Variants in TDRD12 observed in about 807,000 individuals in gnomAD.
TDRD12 encodes tudor domain containing 12.
A neutral mutation model predicts 133.5 loss-of-function variants in TDRD12; 158 were observed. The observed-to-expected ratio is 1.18, with a 90% CI of 1.04 to 1.35. The LOEUF is 1.35. Among genes scored for constraint, TDRD12 ranks in the 40% most tolerant of loss-of-function variants. The probability of loss-of-function intolerance (pLI) is 0.00; values close to 1 mark genes in which losing one functional copy is unlikely to be tolerated. For synonymous variants in TDRD12, 460 were observed against 477.9 expected (o/e 0.96, Z 0.49); for missense variants, 1,443 against 1,321.3 (o/e 1.09, Z -1.43).
At chr19:32,755,472 A>G (rs1599862811) in intron 6 of TDRD12, among the ~76,000 whole-genome samples, 1 of 152,224 alleles carries the variant, frequency 6.6e-6, no homozygotes, top group African/African-American at 2.4e-5. Flanking sequence ...CTTATTTGCA[A>G]TCTTCAGACT....
exon 22 of TDRD12, chr19:32,807,577 C>T (rs529494653): frequency 9.7e-5 from 149 of 1,534,514 alleles, no homozygotes; most frequent in Non-Finnish European, 1.3e-4. Flanking sequence ...TGACCGACAC[C>T]GTATTAATCC....
chr19:32,801,404 GTATAGT>G (rs1971386345), intron 18 of TDRD12, among the ~76,000 whole-genome samples: 2 of 152,162 alleles, frequency 1.3e-5, no homozygotes, highest in African/African-American at 4.8e-5. Flanking sequence ...TCAGCTAGAA[GTATAGT>G]TATATGGTAC....
At chr19:32,820,782 G>T (rs771925950) in intron 27 of TDRD12, among the ~76,000 whole-genome samples, 4 of 152,126 alleles carry the variant, frequency 2.6e-5, no homozygotes, top group Non-Finnish European at 4.4e-5. Context: ...GAGTATGGAA[G>T]GCAAACCATC....
chr19:32,797,430 C>G (rs1218972634), intron 14 of TDRD12, among the ~76,000 whole-genome samples: 2 of 152,158 alleles, frequency 1.3e-5, no homozygotes, highest in Admixed American at 1.3e-4. Flanking sequence ...ACTGACTTCA[C>G]CTCTCTGTAC....
chr19:32,786,464 T>C (rs570701941), intron 11 of TDRD12, among the ~76,000 whole-genome samples: 1 of 152,332 alleles, frequency 6.6e-6, no homozygotes, highest in East Asian at 1.9e-4. Context: ...ATTTGAATGT[T>C]GGCCTGCCTT....
At chr19:32,738,340 C>CCT (rs1456203191) in intron 2 of TDRD12, among the ~76,000 whole-genome samples, 1 of 152,154 alleles carries the variant, frequency 6.6e-6, no homozygotes, top group Non-Finnish European at 1.5e-5. Flanking sequence ...AAAACAGTGA[C>CCT]CTAGTACTCA....
At chr19:32,790,993 C>G (rs1242334786) in exon 13 of TDRD12, 5 of 1,535,926 alleles carry the variant, frequency 3.3e-6, no homozygotes, top group East Asian at 2.4e-5. Flanking sequence ...TGCAGCCGCC[C>G]GTGGTAGTGC....
At chr19:32,816,134 G>T (rs1184403710) in intron 26 of TDRD12, among the ~76,000 whole-genome samples, 1 of 152,180 alleles carries the variant, frequency 6.6e-6, no homozygotes, top group Non-Finnish European at 1.5e-5. Context: ...GTATTATAAA[G>T]CAGATCTCAA....
intron 22 of TDRD12, among the ~76,000 whole-genome samples, chr19:32,809,196 AC>A (rs1966913774): frequency 6.6e-6 from 1 of 152,078 alleles, no homozygotes; most frequent in Non-Finnish European, 1.5e-5. Flanking sequence ...CTGAACTGTT[AC>A]CTGGTTTTCT....
intron 25 of TDRD12, among the ~76,000 whole-genome samples, chr19:32,814,608 G>A (rs1295988745): frequency 1.3e-5 from 2 of 152,100 alleles, no homozygotes; most frequent in Non-Finnish European, 2.9e-5. Flanking sequence ...CTTGTTGGGG[G>A]GAGAAAAGCA....
intron 13 of TDRD12, among the ~76,000 whole-genome samples, chr19:32,793,413 C>T (rs1158249580): frequency 2.0e-5 from 3 of 152,026 alleles, no homozygotes; most frequent in African/African-American, 4.8e-5. Context: ...GGTTTGCAGA[C>T]AAAAGGTGAT....
At chr19:32,739,582 G>C (rs1382198953) in intron 3 of TDRD12, among the ~76,000 whole-genome samples, 1 of 143,000 alleles carries the variant, frequency 7.0e-6, no homozygotes, top group Non-Finnish European at 1.5e-5. Context: ...GCTGCTGTCT[G>C]CATCTCCTGG....
chr19:32,767,092 TTTTATTTATTTATTTATTTA>T lies in TDRD12; in HGVS notation c.866-5629_866-5610del, dbSNP rs138456502. Reference sequence around the variant, plus strand: ...GCCTTTGTGCAAGTGTTTTCATGCATTTTATTTATTTATTTATTTATTTATTTATTTATTTATTTATTTAT... The same window carrying T: ...GCCTTTGTGCAAGTGTTTTCATGCATTTTATTTATTTATTTATTTATTTAT... On this transcript the variant is annotated intron_variant, in intron 8 of 27. Transcript: ENST00000444215. Among the ~76,000 whole-genome samples, 512 of 137,524 alleles carry T rather than the reference TTTTATTTATTTATTTATTTA, an allele frequency of 3.7e-3. 8 individuals carry two copies. The highest frequency in any genetic ancestry group is 0.012 in the African/African-American group (456 of 37,052). 90.2% of individuals were successfully genotyped at this position (137,524 alleles called of 152,430 possible). A position where few individuals can be genotyped will look rare whatever the true frequency, so the allele number is the denominator to read the frequency against.
intron 8 of TDRD12, among the ~76,000 whole-genome samples, chr19:32,764,962 T>C (rs561897522): frequency 1.3e-5 from 2 of 152,172 alleles, no homozygotes; most frequent in South Asian, 4.2e-4. Flanking sequence ...ACCTACAGAA[T>C]GGGAGAAAAT....
chr19:32,802,743 T>G (rs1971436466), exon 20 of TDRD12: 3 of 1,536,538 alleles, frequency 2.0e-6, no homozygotes, highest in Non-Finnish European at 2.6e-6. Flanking sequence ...CCAAAAGTTT[T>G]TGGTGGACGC....
chr19:32,796,046 AAG>A (rs1971215619), intron 14 of TDRD12: 2 of 507,748 alleles, frequency 3.9e-6, no homozygotes, highest in South Asian at 8.5e-5. Context: ...TTCACTGAGA[AAG>A]AGGTGGTGGG....
At chr19:32,733,824 G>A (rs924219018) in intron 2 of TDRD12, among the ~76,000 whole-genome samples, 3 of 151,334 alleles carry the variant, frequency 2.0e-5, no homozygotes, top group African/African-American at 7.3e-5. Context: ...GATCTCTTAA[G>A]ACTGTTTGAT....
chr19:32,724,828 C>G (rs1599820288), intron 1 of TDRD12, among the ~76,000 whole-genome samples: 1 of 152,208 alleles, frequency 6.6e-6, no homozygotes, highest in African/African-American at 2.4e-5. Flanking sequence ...TATACTCCCA[C>G]CAACAGTATA....
intron 18 of TDRD12, among the ~76,000 whole-genome samples, chr19:32,801,270 A>G (rs1245174894): frequency 2.0e-5 from 3 of 152,196 alleles, no homozygotes; most frequent in Non-Finnish European, 2.9e-5. Context: ...CATATAGCCA[A>G]AAAATCAAAT....
Sources: allele counts gnomAD v4.1 joint callset (sites outside exome capture counted in the v4.1 genomes callset), GRCh38; gene constraint gnomAD v4.1.1; transcripts MANE v1.5; gene names NCBI Gene and HGNC (gene_info 2026-07-23, HGNC 2026-07-21).